CLK3: variants seen among roughly 807,000 people sequenced by gnomAD.
CLK3 encodes CDC like kinase 3.
A neutral mutation model predicts 65.2 loss-of-function variants in CLK3; 24 were observed. The observed-to-expected ratio is 0.37, with a 90% confidence interval of 0.27 to 0.52. The LOEUF is 0.52. Ranked by LOEUF, CLK3 falls within the 20% of genes least tolerant of loss-of-function variation. The pLI is 0.92. For missense variants in CLK3, 506 were observed against 660.0 expected (o/e 0.77, Z 2.56); for synonymous variants, 252 against 240.8 (o/e 1.05, Z -0.43).
chr15:74,610,344 T>TC (rs1432946270), intron 1 of CLK3, among the ~76,000 whole-genome samples: 2 of 152,224 alleles, frequency 1.3e-5, no homozygotes, highest in African/African-American at 4.8e-5. Context: ...ACTCAGCCTG[T>TC]CCCTGGGATC....
intron 7 of CLK3, 32 bp downstream of exon 7, chr15:74,626,000 AGC>A: frequency 6.2e-7 from 1 of 1,609,402 alleles, no homozygotes; most frequent in Non-Finnish European, 8.5e-7. Context: ...AAGCATGGGC[AGC>A]CACATGCCTG....
In CLK3 at chr15:74,629,721, A is replaced by G. The variant is rs771868604; in HGVS notation, c.1311A>G (p.Gln437=). 2.5e-6 allele frequency: 4 copies of G among 1,611,834 alleles called. No homozygotes were observed. Among genetic ancestry groups the G allele is most frequent in the East Asian group, 4.5e-5 (2 of 44,842 alleles). ...NCKPLKSYML[Q]DSLEHVQLFD... is the part of the protein sequence containing the mutation. ...TCCCTGAGCAGAGTTACATGCTCCA[A>G]GACTCCCTGGAGCACGTGCAGCTGT... The change falls in exon 13 of 13, where the codon CAA becomes CAG. Residue 437 remains glutamine (Q), a synonymous_variant. Transcript: ENST00000395066.
chr15:74,619,536 G>A (rs977899883), intron 2 of CLK3, among the ~76,000 whole-genome samples, 188 bp downstream of exon 2: 4 of 152,016 alleles, frequency 2.6e-5, no homozygotes, highest in East Asian at 3.9e-4. Context: ...CATCCTTGCC[G>A]CCCACTCTTT....
Position 74,622,049 on chromosome 15 carries a change from C to T in CLK3, c.370-71C>T, listed in dbSNP as rs750703260. 1.4e-6 allele frequency: 2 copies of T among 1,438,516 alleles called. No individual in the cohort carries two copies. Among genetic ancestry groups the T allele is most frequent in the African/African-American group, 2.8e-5 (2 of 71,598 alleles). 89.1% of individuals were successfully genotyped at this position (1,438,516 alleles called of 1,614,324 possible). A position where few individuals can be genotyped will look rare whatever the true frequency, so the allele number is the denominator to read the frequency against. ...TCTCCACCTCTGCCTTTGACTGACA[C>T]CTCAATCTGTCAATCGGAACCGCCT... On this transcript the variant is annotated intron_variant, in intron 3 of 12. Transcript: ENST00000395066. The surrounding 1 kb of genome is among the most constrained non-coding windows in gnomAD (Gnocchi z 4.6).
chr15:74,624,548 G>GTATCATTAAAAAAA lies in CLK3; in HGVS notation c.534-354_534-353insTATCATTAAAAAAA. The GTATCATTAAAAAAA allele has an allele frequency of 4.0e-6, 1 of 248,672 alleles. No homozygotes were observed. The highest frequency in any genetic ancestry group is 7.9e-5 in the East Asian group (1 of 12,614). The allele number at this position is 248,672 out of a possible 1,614,324, so 15.4% of individuals were successfully genotyped here. A position where few individuals can be genotyped will look rare whatever the true frequency, so the allele number is the denominator to read the frequency against. On this transcript the variant is annotated intron_variant, in intron 5 of 12. Coordinates refer to ENST00000395066, the MANE Select transcript of CLK3 (RefSeq NM_001130028.2). This position sits in a 1 kb window ranked among gnomAD's most constrained non-coding sequence, Gnocchi z 4.2. ...CGGTGGGACAGCCTGGCCAGGGTTGGGGCTGCCTGGCCTATAGGTTAGGTC... is the reference window on the plus strand; with the variant it reads ...CGGTGGGACAGCCTGGCCAGGGTTGGTATCATTAAAAAAAGGCTGCCTGGCCTATAGGTTAGGTC...
At chr15:74,610,930 G>A (rs1445546253), upstream of CLK3, among the ~76,000 whole-genome samples, 3 of 152,222 alleles carry the variant, frequency 2.0e-5, no homozygotes, top group Non-Finnish European at 4.4e-5. Context: ...CAGAGATCCT[G>A]GTAACCTTCC....
upstream of CLK3, chr15:74,613,059 G>C (rs1218645483): frequency 6.6e-6 from 1 of 152,390 alleles, no homozygotes; most frequent in Admixed American, 6.5e-5. Context: ...AAGGCTCAGA[G>C]GTGAATTAAC....
In CLK3 at chr15:74,618,262, A is replaced by C. The variant is rs913048050; in HGVS notation, c.1-935A>C. 2.6e-5 allele frequency among the ~76,000 whole-genome samples: 4 copies of C among 152,216 alleles called. 1 individual carries two copies. The highest frequency in any genetic ancestry group is 4.8e-5 in the African/African-American group (2 of 41,454). ...GGGTGGAGCAGGTTGCTGGCCTCACATGGCCAGCTTTCTCCGCTGGTGGCA... is the reference window on the plus strand; with the variant it reads ...GGGTGGAGCAGGTTGCTGGCCTCACCTGGCCAGCTTTCTCCGCTGGTGGCA... On this transcript the variant is annotated intron_variant, in intron 1 of 12. Coordinates refer to ENST00000395066, the MANE Select transcript of CLK3 (RefSeq NM_001130028.2).
chr15:74,618,029 C>CA (rs1284412798), intron 1 of CLK3, among the ~76,000 whole-genome samples: 1 of 152,210 alleles, frequency 6.6e-6, no homozygotes, highest in African/African-American at 2.4e-5. Flanking sequence ...ACATAGGCCT[C>CA]ACTGTCCTGC....
chr15:74,619,857 G>C, intron 2 of CLK3, 152 bp from the exon 3 acceptor site: 1 of 1,303,948 alleles, frequency 7.7e-7, no homozygotes, highest in Non-Finnish European at 1.0e-6. Flanking sequence ...TAGTACCTTT[G>C]CACCCTCCCC....
At chr15:74,616,046 CT>C (rs1296819035) in intron 1 of CLK3, 148 bp downstream of exon 1, 2 of 569,702 alleles carry the variant, frequency 3.5e-6, no homozygotes, top group East Asian at 7.0e-5. Flanking sequence ...CCTCTCACCC[CT>C]GACCCGCTGC....
chr15:74,610,017 C>T (rs961940074), intron 1 of CLK3, among the ~76,000 whole-genome samples: 1 of 152,252 alleles, frequency 6.6e-6, no homozygotes, highest in African/African-American at 2.4e-5. Context: ...GGACTAAGCC[C>T]CTGCGCTGCC....
Position 74,629,863 on chromosome 15 carries a change from A to C in CLK3, c.1453A>C (p.Ser485Arg). 6.2e-7 allele frequency: 1 copy of C among 1,609,970 alleles called. No individual in the cohort carries two copies. The highest frequency in any genetic ancestry group is 2.2e-5 in the East Asian group (1 of 44,624). The change falls in exon 13 of 13, where the codon AGC becomes CGC. Residue 485 changes from serine (S) to arginine (R), a missense_variant. Around this residue, in one of 2 missense-constraint regions of CLK3, gnomAD observed 325 missense variants for 500.5 expected, o/e 0.65. Coordinates refer to ENST00000395066, the MANE Select transcript of CLK3 (RefSeq NM_001130028.2). ...CCCTGAGGAGCGGTCCTTCCACACCAGCCGCAACCCAAGCAGATGACAGGC... is the reference window on the plus strand; with the variant it reads ...CCCTGAGGAGCGGTCCTTCCACACCCGCCGCAACCCAAGCAGATGACAGGC... Reference protein sequence around the residue: ...LTPEERSFHTSRNPSR With the variant: ...LTPEERSFHTRRNPSR
chr15:74,625,147 A>G lies in CLK3; in HGVS notation c.650+129A>G, dbSNP rs543652724. 1,494 of 698,394 alleles carry G rather than the reference A, an allele frequency of 2.1e-3. 4 individuals are homozygous for G. Among genetic ancestry groups the G allele is most frequent in the Non-Finnish European group, 2.9e-3 (1,147 of 395,132 alleles). The allele number at this position is 698,394 out of a possible 1,614,324, so 43.3% of individuals were successfully genotyped here. A position where few individuals can be genotyped will look rare whatever the true frequency, so the allele number is the denominator to read the frequency against. ...CACTCAGAACCAGGGGAGTGTGGCA[A>G]AGGTCTTGCTGGAAGCCTTTAGACT... On this transcript the variant is annotated intron_variant, in intron 6 of 12. Transcript: ENST00000395066.
At position 74,620,029 on chromosome 15, in the gene CLK3, A is replaced by G. The variant is rs2062088939; in HGVS notation, c.173A>G (p.Gln58Arg). Residue 58 changes from glutamine (Q) to arginine (R), a missense_variant, in exon 3 of 13, where the codon CAG becomes CGG. This residue lies in a region of CLK3 where 181 missense variants were observed against 159.4 expected (regional missense o/e 1.14). Coordinates refer to ENST00000395066, the MANE Select transcript of CLK3 (RefSeq NM_001130028.2). ...GGCAGCCATGACCGCCTGCCCTACC[A>G]GAGGAGGTACCGGGAGCGCCGTGAC... Reference protein sequence around the residue: ...RSRSHDRLPYQRRYRERRDSD... With the variant: ...RSRSHDRLPYRRRYRERRDSD... 6.2e-7 allele frequency: 1 copy of G among 1,614,106 alleles called. No homozygotes were observed. The highest frequency in any genetic ancestry group is 8.5e-7 in the Non-Finnish European group (1 of 1,180,014).
intron 1 of CLK3, among the ~76,000 whole-genome samples, chr15:74,610,823 G>GC (rs1391996346): frequency 1.3e-5 from 2 of 152,244 alleles, no homozygotes; most frequent in East Asian, 3.9e-4. Flanking sequence ...GGGAGCAGTG[G>GC]CTCCAGGTGG....
intron 2 of CLK3, 112 bp from the exon 3 acceptor site, chr15:74,619,897 C>T: frequency 6.5e-7 from 1 of 1,529,270 alleles, no homozygotes; most frequent in South Asian, 1.3e-5. Flanking sequence ...AGTGTGGATG[C>T]TTTTAGCACA....
rs931418108 is a variant in CLK3 at position 74,621,719 on chromosome 15, A to G, written c.370-401A>G. ...ATCTTCCGCTCTGGCCCAAAGCCAC[A>G]TGGGAGGGTCTGGGAGGGAGAGACT... On this transcript the variant is annotated intron_variant, in intron 3 of 12. Coordinates refer to ENST00000395066, the MANE Select transcript of CLK3 (RefSeq NM_001130028.2). This position sits in a 1 kb window ranked among gnomAD's most constrained non-coding sequence, Gnocchi z 4.8. The G allele has an allele frequency of 6.1e-5, 21 of 345,682 alleles. No homozygotes were observed. The highest frequency in any genetic ancestry group is 4.3e-4 in the African/African-American group (20 of 46,674). 21.4% of individuals were successfully genotyped at this position (345,682 alleles called of 1,614,324 possible).
At chr15:74,615,362 G>A (rs2062044076), upstream of CLK3, 1 of 1,131,508 alleles carries the variant, frequency 8.8e-7, no homozygotes, top group African/African-American at 1.6e-5. Flanking sequence ...TGTGTCGTTC[G>A]CTCGTTTCGC....
Sources: allele counts gnomAD v4.1 joint callset (sites outside exome capture counted in the v4.1 genomes callset), GRCh38; gene constraint gnomAD v4.1.1; regional missense constraint gnomAD v4.1.1; non-coding constraint Gnocchi (gnomAD v3.1); transcripts MANE v1.5; gene names NCBI Gene and HGNC (gene_info 2026-07-23, HGNC 2026-07-21).